Variants in VWA5A observed in about 807,000 individuals in gnomAD.
VWA5A encodes the protein von Willebrand factor A domain-containing protein 5A.
In VWA5A, 77 loss-of-function variants were observed where a neutral mutation model predicts 84.6. The ratio of observed to expected loss-of-function variants is 0.91; its 90% CI spans 0.76 to 1.10. The LOEUF (loss-of-function observed/expected upper bound fraction) is 1.10, where lower values mean the gene tolerates loss of function less well. VWA5A is among the 50% of genes least tolerant of loss of function. VWA5A has a pLI of 0.00. For synonymous variants in VWA5A, 334 were observed against 350.1 expected (o/e 0.95, Z 0.51); for missense variants, 973 against 963.0 (o/e 1.01, Z -0.14).
At position 124,145,902 on chromosome 11, in the gene VWA5A, C is replaced by G. The variant is rs1216823918; in HGVS notation, c.2318C>G (p.Thr773Ser). ...TMPSVVKAAITFLKSSVDPAI... is the reference protein window; with the variant it reads ...TMPSVVKAAISFLKSSVDPAI... Reference sequence around the variant, plus strand: ...CCTTCGGTTGTGAAAGCTGCTATTACTTTCCTGAAGTCATCTGTGGATCCT... The same window carrying G: ...CCTTCGGTTGTGAAAGCTGCTATTAGTTTCCTGAAGTCATCTGTGGATCCT... Residue 773 changes from threonine (T) to serine (S), a missense_variant, in exon 19 of 19, where the codon ACT (threonine) becomes AGT (serine). Coordinates refer to ENST00000456829, the MANE Select transcript of VWA5A (RefSeq NM_001130142.2). The G allele has an allele frequency of 4.4e-6, 7 of 1,589,038 alleles. No individual in the cohort carries two copies. The highest frequency in any genetic ancestry group is 6.0e-6 in the Non-Finnish European group (7 of 1,164,010).
chr11:124,136,492 G>C, intron 13 of VWA5A, 82 bp from the exon 14 acceptor site: 1 of 1,467,918 alleles, frequency 6.8e-7, no homozygotes, highest in Admixed American at 1.8e-5. Context: ...CATTGTTTTG[G>C]GTACCTGCCC....
intron 7 of VWA5A, among the ~76,000 whole-genome samples, chr11:124,121,449 G>T (rs1365094969): frequency 2.6e-5 from 4 of 151,888 alleles, no homozygotes; most frequent in African/African-American, 7.3e-5. Flanking sequence ...ACACAAATTT[G>T]TAAACTTTCT....
At chr11:124,143,836 C>T (rs1205030748) in intron 17 of VWA5A, among the ~76,000 whole-genome samples, 1 of 152,026 alleles carries the variant, frequency 6.6e-6, no homozygotes, top group Admixed American at 6.6e-5. Context: ...CTGACATTTC[C>T]TTCTTTGGAA....
intron 10 of VWA5A, 49 bp downstream of exon 10, chr11:124,123,853 C>A: frequency 6.6e-7 from 1 of 1,522,176 alleles, no homozygotes; most frequent in East Asian, 2.3e-5. Context: ...TGTGAAATCT[C>A]TAAGAATCTA....
Position 124,118,963 on chromosome 11 carries a change from T to A in VWA5A, c.646-12T>A. On this transcript the variant is annotated splice_polypyrimidine_tract_variant and intron_variant, in intron 6 of 18. Coordinates refer to ENST00000456829, the MANE Select transcript of VWA5A (RefSeq NM_001130142.2). Reference sequence around the variant, plus strand: ...GATTCTAATGTGGCTCCTTTACCTGTCCTCCACTCAGGTTTCCCTGGCTGC... The same window carrying A: ...GATTCTAATGTGGCTCCTTTACCTGACCTCCACTCAGGTTTCCCTGGCTGC... 2.5e-6 allele frequency: 4 copies of A among 1,612,532 alleles called. No individual in the cohort carries two copies. Among genetic ancestry groups the A allele is most frequent in the Non-Finnish European group, 3.4e-6 (4 of 1,178,838 alleles).
chr11:124,120,914 C>A (rs765927596), intron 7 of VWA5A, among the ~76,000 whole-genome samples: 1 of 152,202 alleles, frequency 6.6e-6, no homozygotes, highest in Non-Finnish European at 1.5e-5. Flanking sequence ...GGCCCCTATG[C>A]AGATTTTCTC....
rs1864888629 is a variant in VWA5A, at chr11:124,119,013, G to T, written c.684G>T (p.Val228=). ...LAAGHKFDRD[V]ELLIYYNEVH... is the part of the protein sequence containing the mutation. The stretch of plus-strand genomic sequence containing the variant: ...CTGGACACAAGTTTGATCGGGACGT[G>T]GAACTCCTGATTTACTACAATGAGG... Residue 228 remains valine (V), a synonymous_variant, in exon 7 of 19, where the codon GTG becomes GTT. Transcript: ENST00000456829. 6.2e-7 allele frequency: 1 copy of T among 1,614,190 alleles called. No individual in the cohort carries two copies. Among genetic ancestry groups the T allele is most frequent in the South Asian group, 1.1e-5 (1 of 91,076 alleles).
intron 11 of VWA5A, among the ~76,000 whole-genome samples, chr11:124,133,276 T>G (rs184675640): frequency 7.9e-5 from 12 of 152,346 alleles, no homozygotes; most frequent in Admixed American, 3.9e-4. Flanking sequence ...TAGGGTTTTA[T>G]CCTAAATTCT....
At chr11:124,136,337 A>G in intron 13 of VWA5A, 44 bp downstream of exon 13, 5 of 1,590,910 alleles carry the variant, frequency 3.1e-6, no homozygotes, top group South Asian at 1.1e-5. Context: ...AAGAGCTACC[A>G]CATGACCATT....
rs1860599512 is a variant in VWA5A at position 124,136,750 on chromosome 11, T to TCCC, written c.1625+76_1625+77insCCC. On this transcript the variant is annotated intron_variant, in intron 14 of 18. Transcript: ENST00000456829. ...CTTCCTTCCTTCCTTCCTTCCTTCA[T>TCCC]TCCCTCCCTCCCTCCCTCCCTCCCT... 642 of 811,838 alleles carry TCCC rather than the reference T, an allele frequency of 7.9e-4. 4 individuals are homozygous for TCCC. Among genetic ancestry groups the TCCC allele is most frequent in the African/African-American group, 7.9e-3 (236 of 29,904 alleles). The allele number at this position is 811,838 out of a possible 1,614,324, so 50.3% of individuals were successfully genotyped here. A position where few individuals can be genotyped will look rare whatever the true frequency, so the allele number is the denominator to read the frequency against.
In VWA5A at chr11:124,123,415, A is replaced by C. The variant is rs1241868455; in HGVS notation, c.980A>C (p.Asn327Thr). The C allele has an allele frequency of 5.0e-6, 8 of 1,613,984 alleles. No homozygotes were observed. The East Asian group carries it at 1.3e-4, about 27-fold the overall frequency. The change falls in exon 9 of 19, where the codon AAC becomes ACC. Residue 327 changes from asparagine to threonine, a missense_variant. Transcript: ENST00000456829. ...AGTTTACCTATAGGCTGTTATTTCA[A>C]CATCTATGGATTTGGCTCTTCCTAT... Reference protein sequence around the residue: ...LKSLPIGCYFNIYGFGSSYEA... With the variant: ...LKSLPIGCYFTIYGFGSSYEA...
At chr11:124,136,757 C>CTT in intron 14 of VWA5A, 83 bp downstream of exon 14, 3 of 712,596 alleles carry the variant, frequency 4.2e-6, no homozygotes, top group Non-Finnish European at 6.6e-6. Context: ...TCATTCCCTC[C>CTT]CTCCCTCCCT....
At position 124,129,404 on chromosome 11, in the gene VWA5A, C is replaced by T. The variant is rs55956621; in HGVS notation, c.1244+5088C>T. ...GCTAGTATTTTATTGAGGATTTTCACATCCATGTTCATCACGGATATTGGC... is the reference window on the plus strand; with the variant it reads ...GCTAGTATTTTATTGAGGATTTTCATATCCATGTTCATCACGGATATTGGC... On this transcript the variant is annotated intron_variant, in intron 11 of 18. Coordinates refer to ENST00000456829, the MANE Select transcript of VWA5A (RefSeq NM_001130142.2). 4.8e-4 allele frequency among the ~76,000 whole-genome samples: 73 copies of T among 152,296 alleles called. No homozygotes were observed. The East Asian group carries it at 8.5e-3, about 18-fold the overall frequency.
Position 124,117,794 on chromosome 11 carries a change from G to A in VWA5A, c.165G>A (p.Met55Ile). The change falls in exon 4 of 19, where the codon ATG becomes ATA. Residue 55 changes from methionine (M) to isoleucine (I), a missense_variant. Transcript: ENST00000456829. ...TGGAGGCCTTCTTTGTGTTCCCCAT[G>A]GATGAAGACTCTGCTGTTTACAGCT... The part of the protein sequence containing the change: ...VPLEAFFVFP[M>I]DEDSAVYSFE... 6.2e-7 allele frequency: 1 copy of A among 1,614,180 alleles called. No individual in the cohort carries two copies. Among genetic ancestry groups the A allele is most frequent in the Non-Finnish European group, 8.5e-7 (1 of 1,180,026 alleles).
rs764811880 is a variant in VWA5A at position 124,117,842 on chromosome 11, G to C, written c.213G>C (p.Lys71Asn). The change falls in exon 4 of 19, where the codon AAG becomes AAC. Residue 71 changes from lysine (K) to asparagine (N), a missense_variant. Physicochemically the swap from Lys to Asn is moderately conservative, Grantham distance 94. Transcript: ENST00000456829. ...GCTTTGAGGCCTTGGTGGATGGGAAGAAAATTGTAGCAGAATTACAAGACA... is the reference window on the plus strand; with the variant it reads ...GCTTTGAGGCCTTGGTGGATGGGAACAAAATTGTAGCAGAATTACAAGACA... ...VYSFEALVDG[K>N]KIVAELQDKM... 1 of 1,614,198 alleles carries C rather than the reference G, an allele frequency of 6.2e-7. No homozygotes were observed. The highest frequency in any genetic ancestry group is 8.5e-7 in the Non-Finnish European group (1 of 1,180,034).
rs778626554 is a variant in VWA5A at position 124,145,390 on chromosome 11, T to G, written c.2281+27T>G. On this transcript the variant is annotated intron_variant, in intron 18 of 18. Coordinates refer to ENST00000456829, the MANE Select transcript of VWA5A (RefSeq NM_001130142.2). Reference sequence around the variant, plus strand: ...TAGGAGCACAATCCTAAGGCCTGTCTCCTTCCCCTTCCCTGGCCTGGCGGA... The same window carrying G: ...TAGGAGCACAATCCTAAGGCCTGTCGCCTTCCCCTTCCCTGGCCTGGCGGA... 9 of 1,583,206 alleles carry G rather than the reference T, an allele frequency of 5.7e-6. No individual in the cohort carries two copies. The South Asian group carries it at 1.1e-4, about 19-fold the overall frequency.
At chr11:124,136,512 TC>T in intron 13 of VWA5A, 61 bp from the exon 14 acceptor site, 1 of 1,558,512 alleles carries the variant, frequency 6.4e-7, no homozygotes, top group Non-Finnish European at 8.8e-7. Flanking sequence ...CCTGTTCTGA[TC>T]CTTCCATGGA....
intron 12 of VWA5A, 46 bp from the exon 13 acceptor site, chr11:124,136,083 A>G: frequency 1.3e-6 from 2 of 1,592,196 alleles, no homozygotes; most frequent in East Asian, 2.3e-5. Flanking sequence ...TGTAGCTGCC[A>G]TTGTCTGTAT....
At chr11:124,139,686 G>T (rs11828246) in intron 15 of VWA5A, among the ~76,000 whole-genome samples, 6,762 of 147,900 alleles carry the variant, frequency 0.046, 489 homozygotes, top group African/African-American at 0.15. Context: ...TTTAACAGGT[G>T]TTTTTTTTTT....
Sources: gnomAD v4.1 joint callset for allele counts (sites outside exome capture counted in the v4.1 genomes callset) on GRCh38, gnomAD v4.1.1 for gene constraint, MANE v1.5 for transcripts, NCBI Gene and HGNC (gene_info 2026-07-23, HGNC 2026-07-21) for gene names.